Variants in GNAQ observed in about 807,000 individuals in gnomAD.
The protein encoded by GNAQ is guanine nucleotide-binding protein G(q) subunit alpha.
Under a neutral mutation model 43.9 loss-of-function variants are expected in GNAQ, and 8 were observed. The ratio of observed to expected loss-of-function variants is 0.18; its 90% CI spans 0.11 to 0.33. GNAQ has a LOEUF of 0.33. GNAQ is among the 10% of genes least tolerant of loss of function. The pLI is 1.00. For missense variants in GNAQ, 158 were observed against 450.8 expected, an observed-to-expected ratio of 0.35 and a Z score of 5.88; for synonymous variants, 155 against 170.7, an observed-to-expected ratio of 0.91 and a Z score of 0.71.
chr9:77,726,616 C>G (rs922753022), intron 6 of GNAQ, among the ~76,000 whole-genome samples: 1 of 152,112 alleles, frequency 6.6e-6, no homozygotes, highest in African/African-American at 2.4e-5. Context: ...TACAAAAACA[C>G]TGTGGAATGA....
At chr9:77,750,471 AT>A (rs1259070469) in intron 5 of GNAQ, among the ~76,000 whole-genome samples, 1 of 152,212 alleles carries the variant, frequency 6.6e-6, no homozygotes, top group Non-Finnish European at 1.5e-5. Context: ...TGATCATGTT[AT>A]CATCATTATG....
intron 1 of GNAQ, among the ~76,000 whole-genome samples, chr9:77,928,615 G>C (rs981723303): frequency 6.6e-6 from 1 of 152,164 alleles, no homozygotes; most frequent in Non-Finnish European, 1.5e-5. Flanking sequence ...AAAGGTACAA[G>C]AGCATTTTCT....
intron 1 of GNAQ, among the ~76,000 whole-genome samples, chr9:78,028,898 TGTA>T (rs1824014777): frequency 6.6e-6 from 1 of 152,164 alleles, no homozygotes; most frequent in African/African-American, 2.4e-5. Context: ...GTGTAAGTAT[TGTA>T]GTATTCATGT....
chr9:77,875,582 C>T (rs1010914204), intron 2 of GNAQ, among the ~76,000 whole-genome samples: 11 of 152,186 alleles, frequency 7.2e-5, no homozygotes, highest in East Asian at 1.9e-4. Context: ...TCAACTTTCA[C>T]AGATCAGAGC....
At chr9:77,982,077 A>G (rs181757238) in intron 1 of GNAQ, among the ~76,000 whole-genome samples, 135 of 152,328 alleles carry the variant, frequency 8.9e-4, no homozygotes, top group African/African-American at 3.2e-3. Flanking sequence ...GCCAATGACT[A>G]GCCAACCTAC....
intron 5 of GNAQ, among the ~76,000 whole-genome samples, chr9:77,777,828 T>C (rs1587912144): frequency 6.6e-6 from 1 of 151,980 alleles, no homozygotes; most frequent in South Asian, 2.1e-4. Flanking sequence ...AAGTGTTGGC[T>C]AGCATAAGGA....
At chr9:77,917,362 C>T (rs1003966963) in intron 2 of GNAQ, among the ~76,000 whole-genome samples, 6 of 151,252 alleles carry the variant, frequency 4.0e-5, no homozygotes, top group African/African-American at 1.2e-4. Context: ...ATAAAGAGGG[C>T]GGAAGGAGGG....
At chr9:78,024,343 A>T (rs1284720313) in intron 1 of GNAQ, among the ~76,000 whole-genome samples, 1 of 152,178 alleles carries the variant, frequency 6.6e-6, no homozygotes, top group Non-Finnish European at 1.5e-5. Flanking sequence ...GATGATGCCT[A>T]TTAGAAGAAA....
At position 77,877,492 on chromosome 9, in the gene GNAQ, C is replaced by A. The variant is rs185722366; in HGVS notation, c.321+44669G>T. On this transcript the variant is annotated intron_variant, in intron 2 of 6. Transcript: ENST00000286548. ...CGTATTTTCAAACATAGATTCTGCA[C>A]ATTTATTGAGACTCCTGTATTATTT... is the stretch of plus-strand genomic sequence containing the variant. Among the ~76,000 whole-genome samples, 20 of 152,204 alleles carry A rather than the reference C, an allele frequency of 1.3e-4. No homozygotes were observed. In the East Asian group the frequency reaches 3.5e-3, roughly 27 times the overall value.
At chr9:78,026,517 T>A (rs1271696309) in intron 1 of GNAQ, among the ~76,000 whole-genome samples, 1 of 152,168 alleles carries the variant, frequency 6.6e-6, no homozygotes, top group Non-Finnish European at 1.5e-5. Flanking sequence ...AACCTGTTGG[T>A]CCTTAAAGCA....
intron 2 of GNAQ, among the ~76,000 whole-genome samples, chr9:77,834,103 TAAG>T (rs1169319280): frequency 6.6e-6 from 1 of 152,172 alleles, no homozygotes; most frequent in Non-Finnish European, 1.5e-5. Context: ...AAATAGGAAA[TAAG>T]TAATAATAAT....
chr9:77,748,045 T>C (rs867637105), intron 5 of GNAQ, among the ~76,000 whole-genome samples: 9 of 152,124 alleles, frequency 5.9e-5, no homozygotes, highest in Admixed American at 3.3e-4. Context: ...AGAACTGAGT[T>C]CTTAGCCTGG....
chr9:77,741,960 C>T (rs1214574562), intron 5 of GNAQ, among the ~76,000 whole-genome samples: 1 of 152,130 alleles, frequency 6.6e-6, no homozygotes, highest in African/African-American at 2.4e-5. Flanking sequence ...TTTGGGCAAA[C>T]TCTTGGCTAA....
chr9:77,862,010 A>G (rs962847251), intron 2 of GNAQ, among the ~76,000 whole-genome samples: 67,851 of 115,556 alleles, frequency 0.59, 19,859 homozygotes, highest in Non-Finnish European at 0.69. Flanking sequence ...GTCTGGGGTA[A>G]AAAAAAAAAA....
chr9:77,833,697 G>A (rs1827338327), intron 2 of GNAQ, among the ~76,000 whole-genome samples: 1 of 152,208 alleles, frequency 6.6e-6, no homozygotes, highest in African/African-American at 2.4e-5. Context: ...GCCTTGGAGA[G>A]CAAGGAAGCA....
intron 2 of GNAQ, among the ~76,000 whole-genome samples, chr9:77,889,823 T>C (rs1453390619): frequency 6.6e-6 from 1 of 152,218 alleles, no homozygotes; most frequent in South Asian, 2.1e-4. Flanking sequence ...TTTGGTTTTT[T>C]CCCAAACTCT....
intron 5 of GNAQ, among the ~76,000 whole-genome samples, chr9:77,730,813 A>G (rs1357346651): frequency 6.6e-6 from 1 of 152,228 alleles, no homozygotes; most frequent in East Asian, 1.9e-4. Context: ...ACACTGAGAA[A>G]TGATATCTTG....
At chr9:77,761,263 G>A (rs1432684277) in intron 5 of GNAQ, among the ~76,000 whole-genome samples, 6 of 136,164 alleles carry the variant, frequency 4.4e-5, no homozygotes, top group Non-Finnish European at 9.6e-5. Context: ...CACCCTGTCC[G>A]GGAGGGAGGT....
intron 2 of GNAQ, among the ~76,000 whole-genome samples, chr9:77,863,218 G>GGAAGGAAGGAAGGAAGGAAT (rs1827888076): frequency 7.3e-6 from 1 of 136,654 alleles, no homozygotes; most frequent in African/African-American, 2.8e-5. Flanking sequence ...AAGGAAGGAA[G>GGAAGGAAGGAAGGAAGGAAT]GGAGGAAGGA....
Sources: gnomAD v4.1 joint callset for allele counts (sites outside exome capture counted in the v4.1 genomes callset) on GRCh38, gnomAD v4.1.1 for gene constraint, MANE v1.5 for transcripts, NCBI Gene and HGNC (gene_info 2026-07-23, HGNC 2026-07-21) for gene names.